The following CAMTA1 variants were observed in gnomAD, a reference collection of about 807,000 sequenced individuals.
CAMTA1 encodes the protein calmodulin-binding transcription activator 1.
CAMTA1 carries 27 observed loss-of-function variants against 170.9 expected under a neutral mutation model. The ratio of observed to expected loss-of-function variants is 0.16; its 90% CI spans 0.12 to 0.22. The LOEUF is 0.22. CAMTA1 is among the 10% of genes least tolerant of loss of function. The probability of loss-of-function intolerance (pLI) is 1.00; values close to 1 mark genes in which losing one functional copy is unlikely to be tolerated. For missense variants in CAMTA1, 1,619 were observed against 2,217.2 expected (o/e 0.73, Z 5.42); for synonymous variants, 833 against 891.5 (o/e 0.93, Z 1.17).
rs1256315365 is a variant in CAMTA1, at chr1:7,234,539, G to C, written c.303-14952G>C. On this transcript the variant is annotated intron_variant, in intron 4 of 22. Transcript: ENST00000303635. The surrounding 1 kb of genome is among the most constrained non-coding windows in gnomAD (Gnocchi z 5.0). ...CAGCACCCGGCGTGAATGCTCAGCC[G>C]TGATAGCTGCTCAGTAAATATTAAC... 6.6e-6 allele frequency among the ~76,000 whole-genome samples: 1 copy of C among 152,318 alleles called. No homozygotes were observed. Among genetic ancestry groups the C allele is most frequent in the South Asian group, 2.1e-4 (1 of 4,832 alleles).
At chr1:7,722,656 T>TA (rs1166841229) in intron 11 of CAMTA1, among the ~76,000 whole-genome samples, 2 of 152,238 alleles carry the variant, frequency 1.3e-5, no homozygotes, top group Non-Finnish European at 2.9e-5. Context: ...ACTTTTGAGA[T>TA]ACAGGAGTTA....
intron 5 of CAMTA1, among the ~76,000 whole-genome samples, chr1:7,451,784 CT>C (rs1029165661): frequency 6.6e-6 from 1 of 152,192 alleles, no homozygotes; most frequent in African/African-American, 2.4e-5. Context: ...ACCAGAAGGG[CT>C]ATTGGCTCCC....
At chr1:6,890,724 C>T (rs1458348588) in intron 3 of CAMTA1, among the ~76,000 whole-genome samples, 2 of 152,154 alleles carry the variant, frequency 1.3e-5, no homozygotes, top group African/African-American at 2.4e-5. Context: ...GTGGGGGCCA[C>T]CATGCCCAGC....
In CAMTA1 at chr1:7,234,607, C is replaced by T. The variant is rs1435469346; in HGVS notation, c.303-14884C>T. 1.3e-5 allele frequency among the ~76,000 whole-genome samples: 2 copies of T among 152,164 alleles called. No individual in the cohort carries two copies. Among genetic ancestry groups the T allele is most frequent in the Non-Finnish European group, 2.9e-5 (2 of 68,030 alleles). ...GTCAGCGTAGAGTTTCAAGCCGAGG[C>T]CCTGGGAGCCCTGGGAAGGTGCCAT... On this transcript the variant is annotated intron_variant, in intron 4 of 22. Transcript: ENST00000303635. The surrounding 1 kb of genome is among the most constrained non-coding windows in gnomAD (Gnocchi z 5.0).
At chr1:6,790,643 G>A (rs562823810) in intron 1 of CAMTA1, among the ~76,000 whole-genome samples, 8 of 152,174 alleles carry the variant, frequency 5.3e-5, no homozygotes, top group Non-Finnish European at 1.2e-4. Flanking sequence ...TGTATGAGCT[G>A]CTGTTACATT....
At chr1:7,369,994 G>C (rs1308948023) in intron 5 of CAMTA1, 1 of 152,298 alleles carries the variant, frequency 6.6e-6, no homozygotes, top group African/African-American at 2.4e-5. Context: ...GGTACTTCAG[G>C]CCCTTGCCAT....
intron 6 of CAMTA1, among the ~76,000 whole-genome samples, chr1:7,607,157 T>TGGG (rs1363105402): frequency 8.7e-6 from 1 of 115,490 alleles, no homozygotes; most frequent in African/African-American, 3.9e-5. Context: ...GGATGGATGG[T>TGGG]TAGATGGGTG....
chr1:7,147,678 C>T (rs531465950), intron 4 of CAMTA1, among the ~76,000 whole-genome samples: 33 of 151,378 alleles, frequency 2.2e-4, no homozygotes, highest in African/African-American at 7.5e-4. Context: ...TGCACACACA[C>T]ATTCATACAC....
At chr1:7,757,958 CG>C (rs905117311) in intron 22 of CAMTA1, among the ~76,000 whole-genome samples, 3 of 152,112 alleles carry the variant, frequency 2.0e-5, no homozygotes, top group East Asian at 1.9e-4. Context: ...GGCTCGGAGA[CG>C]TTTTTTTTGA....
At chr1:7,644,378 C>T (rs1452020276) in intron 7 of CAMTA1, among the ~76,000 whole-genome samples, 2 of 152,208 alleles carry the variant, frequency 1.3e-5, no homozygotes, top group Non-Finnish European at 2.9e-5. Context: ...GAGATCTTTC[C>T]TGTCTTTTGG....
chr1:7,692,773 T>C (rs1045094356), intron 11 of CAMTA1, among the ~76,000 whole-genome samples: 2 of 152,152 alleles, frequency 1.3e-5, no homozygotes, highest in Non-Finnish European at 2.9e-5. Flanking sequence ...ACAGCGTTGA[T>C]AGGTGGCAGC....
intron 11 of CAMTA1, among the ~76,000 whole-genome samples, chr1:7,711,886 C>T (rs1194077933): frequency 6.6e-6 from 1 of 152,154 alleles, no homozygotes; most frequent in South Asian, 2.1e-4. Context: ...CCCAGAAAAA[C>T]AGTGCAATAA....
intron 6 of CAMTA1, among the ~76,000 whole-genome samples, chr1:7,616,198 C>G (rs1443444442): frequency 6.6e-6 from 1 of 152,200 alleles, no homozygotes; most frequent in African/African-American, 2.4e-5. Context: ...TGAGAGAAAC[C>G]AAAACAGCAG....
chr1:7,470,102 C>T (rs998328446), intron 6 of CAMTA1, among the ~76,000 whole-genome samples: 1 of 152,216 alleles, frequency 6.6e-6, no homozygotes, highest in African/African-American at 2.4e-5. Context: ...TCTGCCCAAG[C>T]CTGGGGGAGC....
chr1:6,820,087 A>G, intron 1 of CAMTA1, 94 bp from the exon 2 acceptor site: 1 of 757,322 alleles, frequency 1.3e-6, no homozygotes, highest in Non-Finnish European at 2.4e-6. Flanking sequence ...TCATGATTAG[A>G]TTCAGGTTTT....
intron 5 of CAMTA1, among the ~76,000 whole-genome samples, chr1:7,301,662 C>T (rs1004506567): frequency 6.6e-6 from 1 of 152,136 alleles, no homozygotes; most frequent in African/African-American, 2.4e-5. Flanking sequence ...AAGCCAAGGC[C>T]CATTCATCAT....
At chr1:7,266,178 G>A (rs1450286540) in intron 5 of CAMTA1, among the ~76,000 whole-genome samples, 1 of 152,122 alleles carries the variant, frequency 6.6e-6, no homozygotes. Context: ...CCCGAGGCAG[G>A]TCTGCAGAGC....
rs894625834 is a variant in CAMTA1 at position 7,588,534 on chromosome 1, G to A, written c.511-51866G>A. Among the ~76,000 whole-genome samples, 7 of 152,230 alleles carry A rather than the reference G, an allele frequency of 4.6e-5. No individual in the cohort carries two copies. Among genetic ancestry groups the A allele is most frequent in the African/African-American group, 9.6e-5 (4 of 41,474 alleles). On this transcript the variant is annotated intron_variant, in intron 6 of 22. Coordinates refer to ENST00000303635, the MANE Select transcript of CAMTA1 (RefSeq NM_015215.4). The surrounding 1 kb of genome is among the most constrained non-coding windows in gnomAD (Gnocchi z 5.8). ...AAGAGCTTGGTGTGCCCAAGGCCAC[G>A]AAGTGGAGCCCAGGTCTTGCAGACT...
chr1:7,235,368 G>A (rs1663627878), intron 4 of CAMTA1, among the ~76,000 whole-genome samples: 1 of 152,168 alleles, frequency 6.6e-6, no homozygotes, highest in Non-Finnish European at 1.5e-5. Context: ...GCTCACCCCT[G>A]TAATCCAGCA....
Sources: allele counts gnomAD v4.1 joint callset (sites outside exome capture counted in the v4.1 genomes callset), GRCh38; gene constraint gnomAD v4.1.1; non-coding constraint Gnocchi (gnomAD v3.1); transcripts MANE v1.5; gene names NCBI Gene and HGNC (gene_info 2026-07-23, HGNC 2026-07-21).